Variants in OPCML observed in about 807,000 individuals in gnomAD.
OPCML encodes the protein opioid binding protein/cell adhesion molecule like.
Under a neutral mutation model 37.8 loss-of-function variants are expected in OPCML, and 13 were observed. That is an observed-to-expected ratio of 0.34 (90% CI 0.22 to 0.55). The LOEUF (loss-of-function observed/expected upper bound fraction) is 0.55, where lower values mean the gene tolerates loss of function less well. OPCML is among the 20% of genes least tolerant of loss of function. The pLI is 0.91. For synonymous variants in OPCML, 176 were observed against 168.8 expected (o/e 1.04, Z -0.33); for missense variants, 341 against 435.6 (o/e 0.78, Z 1.93).
chr11:133,061,107 C>A (rs773460438), intron 1 of OPCML, among the ~76,000 whole-genome samples: 1 of 152,176 alleles, frequency 6.6e-6, no homozygotes. Context: ...TTTAAGCAGT[C>A]CTCCTGCCTG....
chr11:133,148,927 C>A (rs1949935598), intron 1 of OPCML, among the ~76,000 whole-genome samples: 2 of 152,098 alleles, frequency 1.3e-5, no homozygotes, highest in Admixed American at 1.3e-4. Context: ...GATTTAGGGT[C>A]CTGATTAACC....
At chr11:133,293,205 CA>C (rs1378127844) in intron 1 of OPCML, among the ~76,000 whole-genome samples, 1 of 151,662 alleles carries the variant, frequency 6.6e-6, no homozygotes, top group Non-Finnish European at 1.5e-5. Context: ...CAGACACATG[CA>C]AAGGACAGTC....
chr11:132,558,511 C>T (rs993007084), intron 3 of OPCML, among the ~76,000 whole-genome samples: 2 of 110,814 alleles, frequency 1.8e-5, no homozygotes, highest in Admixed American at 2.4e-4. Flanking sequence ...CCCCCCGCCC[C>T]GTTTTCTTCT....
At chr11:133,226,759 C>T (rs2136376577) in intron 1 of OPCML, among the ~76,000 whole-genome samples, 1 of 152,260 alleles carries the variant, frequency 6.6e-6, no homozygotes, top group East Asian at 1.9e-4. Flanking sequence ...ATAAAGAGCA[C>T]AGTAACTCTG....
At chr11:133,091,722 A>C (rs1195379539) in intron 1 of OPCML, among the ~76,000 whole-genome samples, 1 of 152,124 alleles carries the variant, frequency 6.6e-6, no homozygotes, top group Non-Finnish European at 1.5e-5. Context: ...AAAGCATATA[A>C]TTTGTTTCAT....
intron 1 of OPCML, among the ~76,000 whole-genome samples, chr11:132,996,670 T>C (rs527824581): frequency 9.2e-5 from 14 of 151,368 alleles, no homozygotes; most frequent in Middle Eastern, 3.4e-3. Flanking sequence ...TATTTTTTTT[T>C]CCCCGGAGCC....
intron 1 of OPCML, among the ~76,000 whole-genome samples, chr11:133,489,423 C>T (rs1386487844): frequency 6.6e-6 from 1 of 151,856 alleles, no homozygotes; most frequent in Non-Finnish European, 1.5e-5. Flanking sequence ...GGACAAAGGA[C>T]ATAAACAGAC....
chr11:132,779,186 T>A (rs1946912833), intron 2 of OPCML, among the ~76,000 whole-genome samples: 1 of 152,156 alleles, frequency 6.6e-6, no homozygotes, highest in Admixed American at 6.5e-5. Flanking sequence ...CAGGCTGGCC[T>A]CGAACTCCTG....
intron 2 of OPCML, among the ~76,000 whole-genome samples, chr11:132,737,589 G>A (rs1284999075): frequency 1.3e-5 from 2 of 151,974 alleles, no homozygotes. Context: ...AATGAATATA[G>A]GATAATTTGC....
rs568667079 is a variant in OPCML at position 133,377,869 on chromosome 11, T to C, written c.61+154395A>G. 2.0e-3 allele frequency among the ~76,000 whole-genome samples: 297 copies of C among 152,276 alleles called. 3 individuals are homozygous for C. The highest frequency in any genetic ancestry group is 6.7e-3 in the African/African-American group (279 of 41,560). ...AGAGAGGGAAAATGGCCCTGGAGCA[T>C]GGGCCTGTGCTGTGTCAGGGACCTG... is the stretch of plus-strand genomic sequence containing the variant. On this transcript the variant is annotated intron_variant, in intron 1 of 7. Transcript: ENST00000524381.
intron 1 of OPCML, among the ~76,000 whole-genome samples, chr11:133,402,932 G>A (rs1945440310): frequency 6.6e-6 from 1 of 152,088 alleles, no homozygotes; most frequent in African/African-American, 2.4e-5. Context: ...TGCCCAAACT[G>A]GTCTGGAATA....
chr11:133,093,422 C>T (rs774719053), intron 1 of OPCML, among the ~76,000 whole-genome samples: 20 of 152,222 alleles, frequency 1.3e-4, no homozygotes, highest in Admixed American at 1.1e-3. Context: ...TTAAGCCCCG[C>T]GTACATTAGG....
At chr11:132,734,993 A>T (rs2136020569) in intron 2 of OPCML, among the ~76,000 whole-genome samples, 1 of 152,326 alleles carries the variant, frequency 6.6e-6, no homozygotes, top group South Asian at 2.1e-4. Flanking sequence ...AAAAGTACAA[A>T]ATCTATCTAA....
chr11:132,947,710 G>A (rs964933188), intron 1 of OPCML, among the ~76,000 whole-genome samples: 20 of 152,314 alleles, frequency 1.3e-4, no homozygotes, highest in African/African-American at 4.6e-4. Context: ...ACTTTTCTAG[G>A]AAATGCTTGG....
intron 1 of OPCML, among the ~76,000 whole-genome samples, chr11:133,399,168 T>C (rs1945348468): frequency 6.6e-6 from 1 of 152,144 alleles, no homozygotes; most frequent in Admixed American, 6.5e-5. Context: ...AAAGTAACTA[T>C]GATATAAAGG....
At chr11:132,617,201 A>G (rs1479833141) in intron 3 of OPCML, among the ~76,000 whole-genome samples, 27 of 152,194 alleles carry the variant, frequency 1.8e-4, no homozygotes, top group Admixed American at 1.8e-3. Flanking sequence ...TTGAATGTCA[A>G]TTGTATTTAT....
At chr11:133,221,876 T>C (rs184497798) in intron 1 of OPCML, among the ~76,000 whole-genome samples, 252 of 152,328 alleles carry the variant, frequency 1.7e-3, no homozygotes, top group African/African-American at 5.8e-3. Context: ...TTCTCGATTA[T>C]CAGAGCAGAC....
intron 1 of OPCML, among the ~76,000 whole-genome samples, chr11:133,325,235 G>A (rs549067476): frequency 1.4e-3 from 210 of 152,342 alleles, no homozygotes; most frequent in Non-Finnish European, 2.7e-3. Flanking sequence ...TAGCGAATGC[G>A]AGAAGTTCTG....
chr11:133,289,033 C>T (rs967882407), intron 1 of OPCML, among the ~76,000 whole-genome samples: 12 of 152,070 alleles, frequency 7.9e-5, no homozygotes, highest in South Asian at 4.2e-4. Flanking sequence ...AAACTGAGGG[C>T]CCTGGGACAT....
Sources: allele counts gnomAD v4.1 joint callset (sites outside exome capture counted in the v4.1 genomes callset), GRCh38; gene constraint gnomAD v4.1.1; transcripts MANE v1.5; gene names NCBI Gene and HGNC (gene_info 2026-07-23, HGNC 2026-07-21).